PLK1: variants seen among roughly 807,000 people sequenced by gnomAD.
PLK1 encodes the protein serine/threonine-protein kinase PLK1.
Under a neutral mutation model 56.7 loss-of-function variants are expected in PLK1, and 6 were observed. The observed-to-expected ratio is 0.11, with a 90% CI of 0.06 to 0.21. PLK1 has a LOEUF of 0.21. Ranked by LOEUF, PLK1 falls within the 10% of genes least tolerant of loss-of-function variation. PLK1 has a pLI of 1.00. For synonymous variants in PLK1, 298 were observed against 325.0 expected, an observed-to-expected ratio of 0.92 and a Z score of 0.89; for missense variants, 546 against 814.4, an observed-to-expected ratio of 0.67 and a Z score of 4.01.
At chr16:23,683,767 TG>T in intron 4 of PLK1, 102 bp from the exon 5 acceptor site, 2 of 847,744 alleles carry the variant, frequency 2.4e-6, no homozygotes. Flanking sequence ...TATTTGAGAC[TG>T]GGGGCTGCAT....
At position 23,689,698 on chromosome 16, in the gene PLK1, G is replaced by A. The variant is rs200175995; in HGVS notation, c.1608+22G>A. The A allele has an allele frequency of 5.0e-5, 80 of 1,585,368 alleles. No individual in the cohort carries two copies. The highest frequency in any genetic ancestry group is 8.7e-5 in the Admixed American group (5 of 57,580). On this transcript the variant is annotated intron_variant, in intron 9 of 9. Coordinates refer to ENST00000300093, the MANE Select transcript of PLK1 (RefSeq NM_005030.6). The surrounding 1 kb of genome is among the most constrained non-coding windows in gnomAD (Gnocchi z 4.8). ...CCAGGTGAGCTGGAGGTCACCAGGC[G>A]CAGGAGAGAGCTGGGGTAGGCTCCG...
chr16:23,689,530 G>A lies in PLK1; in HGVS notation c.1462G>A (p.Glu488Lys), dbSNP rs763884087. The A allele has an allele frequency of 1.2e-6, 2 of 1,613,182 alleles. No homozygotes were observed. The highest frequency in any genetic ancestry group is 1.1e-5 in the South Asian group (1 of 91,068). ...TAAATATTTCCGCAATTACATGAGCGAGCACTTGCTGAAGGCAGGTGCCAA... is the reference window on the plus strand; with the variant it reads ...TAAATATTTCCGCAATTACATGAGCAAGCACTTGCTGAAGGCAGGTGCCAA... Reference protein sequence around the residue: ...LLKYFRNYMSEHLLKAGANIT... With the variant: ...LLKYFRNYMSKHLLKAGANIT... Residue 488 changes from glutamate (E) to lysine (K), a missense_variant, in exon 9 of 10, where the codon GAG becomes AAG. By Grantham distance (56) the Glu-to-Lys change is moderately conservative. This residue lies in a region of PLK1 where 113 missense variants were observed against 202.0 expected (regional missense o/e 0.56). Coordinates refer to ENST00000300093, the MANE Select transcript of PLK1 (RefSeq NM_005030.6). The surrounding 1 kb of genome is among the most constrained non-coding windows in gnomAD (Gnocchi z 4.8).
At chr16:23,683,690 G>A (rs906968765) in intron 4 of PLK1, among the ~76,000 whole-genome samples, 180 bp from the exon 5 acceptor site, 13 of 152,174 alleles carry the variant, frequency 8.5e-5, no homozygotes, top group Non-Finnish European at 1.5e-4. Context: ...TCTGTCAATG[G>A]TGCTCAGTAA....
Position 23,689,267 on chromosome 16 carries a change from G to A in PLK1, c.1300G>A (p.Val434Met). 1 of 1,613,586 alleles carries A rather than the reference G, an allele frequency of 6.2e-7. No individual in the cohort carries two copies. Among genetic ancestry groups the A allele is most frequent in the South Asian group, 1.1e-5 (1 of 91,066 alleles). Residue 434 changes from valine (V) to methionine (M), a missense_variant, in exon 8 of 10, where the codon GTG (valine) becomes ATG (methionine). By Grantham distance (21) the Val-to-Met change is conservative. Coordinates refer to ENST00000300093, the MANE Select transcript of PLK1 (RefSeq NM_005030.6). The surrounding 1 kb of genome is among the most constrained non-coding windows in gnomAD (Gnocchi z 4.8). The part of the protein sequence containing the change: ...GYQLCDNSVG[V>M]LFNDSTRLIL... ...TCAGCTCTGTGATAACAGCGTGGGG[G>A]TGCTCTTCAATGACTCAACACGCCT...
chr16:23,682,985 CTTTT>C (rs1031796646), intron 4 of PLK1, among the ~76,000 whole-genome samples: 2,651 of 91,374 alleles, frequency 0.029, 54 homozygotes, highest in African/African-American at 0.1. Flanking sequence ...TGTGCATTTT[CTTTT>C]TTTTTTTTTT....
At chr16:23,688,571 A>C in intron 6 of PLK1, 97 bp from the exon 7 acceptor site, 2 of 999,226 alleles carry the variant, frequency 2.0e-6, no homozygotes, top group Non-Finnish European at 3.2e-6. Flanking sequence ...TGGGGTGCCC[A>C]GCAGGCTTCC....
rs71154221 is a variant in PLK1, at chr16:23,684,957, C to CTTTTT, written c.1036+906_1036+910dup. On this transcript the variant is annotated intron_variant, in intron 5 of 9. Transcript: ENST00000300093. ...ACAGGCGTGAACCACCAGGCCCGGC[C>CTTTTT]TTTTTTTTTTTTTTTTTTTTTTTTT... Among the ~76,000 whole-genome samples, 31 of 56,942 alleles carry CTTTTT rather than the reference C, an allele frequency of 5.4e-4. 9 individuals are homozygous for CTTTTT. The highest frequency in any genetic ancestry group is 6.9e-4 in the Non-Finnish European group (21 of 30,368). 37.4% of individuals were successfully genotyped at this position (56,942 alleles called of 152,430 possible).
chr16:23,683,544 T>G (rs951451286), intron 4 of PLK1, among the ~76,000 whole-genome samples: 4 of 152,046 alleles, frequency 2.6e-5, no homozygotes, highest in Admixed American at 6.5e-5. Context: ...GAAAAAGGGA[T>G]GATAATAGAT....
chr16:23,688,929 CAG>C (rs764661968), intron 7 of PLK1, among the ~76,000 whole-genome samples, 184 bp downstream of exon 7: 44 of 151,208 alleles, frequency 2.9e-4, no homozygotes, highest in Non-Finnish European at 5.7e-4. Flanking sequence ...TTTCCAGAGA[CAG>C]GGTCCTGCTC....
chr16:23,687,550 A>C lies in PLK1; in HGVS notation c.1118A>C (p.His373Pro). Reference sequence around the variant, plus strand: ...GAGACAGGTGAGGTGGTCGACTGCCACCTCAGTGACATGCTGCAGCAGCTG... The same window carrying C: ...GAGACAGGTGAGGTGGTCGACTGCCCCCTCAGTGACATGCTGCAGCAGCTG... The part of the protein sequence containing the change: ...VRETGEVVDC[H>P]LSDMLQQLHS... The change falls in exon 6 of 10, where the codon CAC becomes CCC. Residue 373 changes from histidine (H) to proline (P), a missense_variant. His to Pro is a moderately conservative substitution (Grantham distance 77). Around this residue, in one of 7 missense-constraint regions of PLK1, gnomAD observed 157 missense variants for 184.0 expected, o/e 0.85. Transcript: ENST00000300093. 1 of 1,604,722 alleles carries C rather than the reference A, an allele frequency of 6.2e-7. No homozygotes were observed. The highest frequency in any genetic ancestry group is 2.3e-5 in the East Asian group (1 of 44,350).
At chr16:23,682,242 A>G (rs1278450813) in intron 4 of PLK1, 85 bp downstream of exon 4, 3 of 766,392 alleles carry the variant, frequency 3.9e-6, no homozygotes, top group Admixed American at 1.9e-5. Context: ...AGGACCAGAA[A>G]TAGGTCTATC....
rs1419163373 is a variant in PLK1 at position 23,689,694 on chromosome 16, A to G, written c.1608+18A>G. On this transcript the variant is annotated intron_variant, in intron 9 of 9. Transcript: ENST00000300093. This position sits in a 1 kb window ranked among gnomAD's most constrained non-coding sequence, Gnocchi z 4.8. Reference sequence around the variant, plus strand: ...TCTTCCAGGTGAGCTGGAGGTCACCAGGCGCAGGAGAGAGCTGGGGTAGGC... The same window carrying G: ...TCTTCCAGGTGAGCTGGAGGTCACCGGGCGCAGGAGAGAGCTGGGGTAGGC... 6.3e-7 allele frequency: 1 copy of G among 1,587,982 alleles called. No homozygotes were observed. The highest frequency in any genetic ancestry group is 1.3e-5 in the African/African-American group (1 of 74,472).
Position 23,689,180 on chromosome 16 carries a change from G to T in PLK1, c.1271-58G>T, listed in dbSNP as rs111671482. On this transcript the variant is annotated intron_variant, in intron 7 of 9. Coordinates refer to ENST00000300093, the MANE Select transcript of PLK1 (RefSeq NM_005030.6). This position sits in a 1 kb window ranked among gnomAD's most constrained non-coding sequence, Gnocchi z 4.8. ...ATCACAGGCATGTGCCACCACGCCCGGTCCCACTCCCCACTTTCTATTCCC... is the reference window on the plus strand; with the variant it reads ...ATCACAGGCATGTGCCACCACGCCCTGTCCCACTCCCCACTTTCTATTCCC... 1.3e-6 allele frequency: 2 copies of T among 1,501,776 alleles called. No homozygotes were observed. The highest frequency in any genetic ancestry group is 1.4e-5 in the African/African-American group (1 of 72,864). 93.0% of individuals were successfully genotyped at this position (1,501,776 alleles called of 1,614,324 possible).
Position 23,679,052 on chromosome 16 carries a change from C to A in PLK1, c.120C>A (p.Ile40=). The part of the protein sequence containing the change: ...APAAAPPAKE[I]PEVLVDPRSR... ...CGGCGGCTCCACCGGCGAAAGAGATCCCGGAGGTCCTAGTGGACCCACGCA... is the reference window on the plus strand; with the variant it reads ...CGGCGGCTCCACCGGCGAAAGAGATACCGGAGGTCCTAGTGGACCCACGCA... Residue 40 remains isoleucine, a synonymous_variant, in exon 1 of 10, where the codon ATC becomes ATA. Coordinates refer to ENST00000300093, the MANE Select transcript of PLK1 (RefSeq NM_005030.6). 1 of 1,607,574 alleles carries A rather than the reference C, an allele frequency of 6.2e-7. No individual in the cohort carries two copies. Among genetic ancestry groups the A allele is most frequent in the South Asian group, 1.1e-5 (1 of 90,908 alleles).
chr16:23,685,862 T>A (rs1168025935), intron 5 of PLK1, among the ~76,000 whole-genome samples: 3 of 152,292 alleles, frequency 2.0e-5, no homozygotes, highest in South Asian at 4.1e-4. Context: ...AATGATGTTC[T>A]AATGGTAATT....
At position 23,687,505 on chromosome 16, in the gene PLK1, A is replaced by G. The variant is rs772943552; in HGVS notation, c.1073A>G (p.Lys358Arg). The part of the protein sequence containing the change: ...ENPLPERPRE[K>R]EEPVVRETGE... ...CCCCTGCCTGAGCGTCCCCGGGAAA[A>G]AGAAGAACCAGTGGTTCGAGAGACA... The change falls in exon 6 of 10, where the codon AAA becomes AGA. Residue 358 changes from lysine to arginine, a missense_variant. Physicochemically the swap from Lys to Arg is conservative, Grantham distance 26 (BLOSUM62 2). This residue lies in a region of PLK1 where 157 missense variants were observed against 184.0 expected (regional missense o/e 0.85). Transcript: ENST00000300093. 6.3e-7 allele frequency: 1 copy of G among 1,596,858 alleles called. No individual in the cohort carries two copies. Among genetic ancestry groups the G allele is most frequent in the Non-Finnish European group, 8.5e-7 (1 of 1,169,614 alleles).
rs1012617105 is a variant in PLK1, at chr16:23,689,132, C to T, written c.1271-106C>T. 2 of 996,468 alleles carry T rather than the reference C, an allele frequency of 2.0e-6. No homozygotes were observed. The highest frequency in any genetic ancestry group is 1.6e-5 in the African/African-American group (1 of 63,044). The allele number at this position is 996,468 out of a possible 1,614,324, so 61.7% of individuals were successfully genotyped here. A position where few individuals can be genotyped will look rare whatever the true frequency, so the allele number is the denominator to read the frequency against. ...CTCCTGGGCTCAAACAATCCTCCTC[C>T]CTCAGCCTCCCAAAGTGCTGGAATC... On this transcript the variant is annotated intron_variant, in intron 7 of 9. Coordinates refer to ENST00000300093, the MANE Select transcript of PLK1 (RefSeq NM_005030.6). The surrounding 1 kb of genome is among the most constrained non-coding windows in gnomAD (Gnocchi z 4.8).
chr16:23,681,168 C>G, intron 3 of PLK1, 110 bp downstream of exon 3: 1 of 943,796 alleles, frequency 1.1e-6, no homozygotes, highest in Non-Finnish European at 1.7e-6. Context: ...TACAGAAAGC[C>G]TACTCCAAGG....
chr16:23,683,194 G>T (rs534714847), intron 4 of PLK1, among the ~76,000 whole-genome samples: 1 of 151,596 alleles, frequency 6.6e-6, no homozygotes, highest in African/African-American at 2.4e-5. Context: ...GGGTTTGACC[G>T]TGTTAGCCAG....
Sources: gnomAD v4.1 joint callset for allele counts (sites outside exome capture counted in the v4.1 genomes callset) on GRCh38, gnomAD v4.1.1 for gene constraint, gnomAD v4.1.1 regional missense constraint, Gnocchi (gnomAD v3.1) non-coding constraint, MANE v1.5 for transcripts, NCBI Gene and HGNC (gene_info 2026-07-23, HGNC 2026-07-21) for gene names.